Variants in PCED1B observed in about 807,000 individuals in gnomAD.
PCED1B encodes the protein PC-esterase domain containing 1B.
For synonymous variants in PCED1B, 251 were observed against 246.1 expected (o/e 1.02, Z -0.19); for missense variants, 573 against 573.9 (o/e 1.00, Z 0.02).
intron 2 of PCED1B, among the ~76,000 whole-genome samples, chr12:47,194,238 G>A (rs536140854): frequency 1.6e-4 from 25 of 152,254 alleles, no homozygotes; most frequent in African/African-American, 6.0e-4. Context: ...GCAGTGGCAC[G>A]ATCTCAGCTC....
intron 2 of PCED1B, among the ~76,000 whole-genome samples, chr12:47,213,254 C>T (rs1943148959): frequency 6.6e-6 from 1 of 152,106 alleles, no homozygotes; most frequent in African/African-American, 2.4e-5. Flanking sequence ...AGATTTCGTA[C>T]CCTAATAGAA....
At chr12:47,219,501 C>T (rs832723) in intron 3 of PCED1B, among the ~76,000 whole-genome samples, 21,864 of 152,186 alleles carry the variant, frequency 0.14, 3,389 homozygotes, top group African/African-American at 0.39. Flanking sequence ...GCTCTCCAAT[C>T]GCCCTTGTTT....
At chr12:47,162,743 T>G (rs1388244009) in intron 2 of PCED1B, among the ~76,000 whole-genome samples, 1 of 152,210 alleles carries the variant, frequency 6.6e-6, no homozygotes, top group Non-Finnish European at 1.5e-5. Context: ...ACTGCAAGGA[T>G]GGCACCAAGC....
intron 2 of PCED1B, among the ~76,000 whole-genome samples, chr12:47,177,358 T>C (rs920611800): frequency 6.6e-6 from 1 of 152,138 alleles, no homozygotes; most frequent in Non-Finnish European, 1.5e-5. Flanking sequence ...TGGAGAGAAA[T>C]ATCTCCTCAT....
intron 2 of PCED1B, among the ~76,000 whole-genome samples, chr12:47,131,400 C>T (rs75377917): frequency 0.083 from 12,594 of 152,162 alleles, 863 homozygotes; most frequent in African/African-American, 0.19. Flanking sequence ...TTATTCAATT[C>T]GTTCTATTTT....
intron 2 of PCED1B, among the ~76,000 whole-genome samples, chr12:47,182,528 T>C (rs1942126509): frequency 6.6e-6 from 1 of 151,364 alleles, no homozygotes; most frequent in African/African-American, 2.4e-5. Context: ...GAGGTGGAGA[T>C]TGCAGTGAGC....
chr12:47,180,950 G>A (rs1942074139), intron 2 of PCED1B, among the ~76,000 whole-genome samples: 2 of 151,742 alleles, frequency 1.3e-5, no homozygotes, highest in Admixed American at 6.6e-5. Flanking sequence ...GTTCCAGGGA[G>A]TTAGGTTCTG....
At chr12:47,122,723 A>G (rs1190638235) in intron 2 of PCED1B, among the ~76,000 whole-genome samples, 2 of 152,222 alleles carry the variant, frequency 1.3e-5, no homozygotes, top group Non-Finnish European at 2.9e-5. Context: ...GAAGATGGAT[A>G]CAAACCTTGG....
intron 3 of PCED1B, among the ~76,000 whole-genome samples, chr12:47,219,662 GAACT>G (rs1230757123): frequency 6.6e-6 from 1 of 152,148 alleles, no homozygotes; most frequent in Non-Finnish European, 1.5e-5. Context: ...GATGAAAATC[GAACT>G]AAGTTATTTC....
rs190434630 is a variant in PCED1B at position 47,192,466 on chromosome 12, G to A, written c.-525-23756G>A. Among the ~76,000 whole-genome samples the A allele has an allele frequency of 3.0e-3, 463 of 152,200 alleles. 1 individual carries two copies. Among genetic ancestry groups the A allele is most frequent in the Admixed American group, 5.0e-3 (77 of 15,298 alleles). On this transcript the variant is annotated intron_variant, in intron 2 of 3. Coordinates refer to ENST00000546455, the MANE Select transcript of PCED1B (RefSeq NM_138371.3). ...CTTTTGGATATGAGCTCATTCAAAT[G>A]GTAAATGATTTCATTCAAAACTTTC...
intron 2 of PCED1B, among the ~76,000 whole-genome samples, chr12:47,166,140 C>G (rs1941538379): frequency 6.6e-6 from 1 of 152,194 alleles, no homozygotes; most frequent in African/African-American, 2.4e-5. Flanking sequence ...TTCTAGCCAA[C>G]ATCTGAAGAC....
chr12:47,224,884 C>T (rs376104390), intron 3 of PCED1B, among the ~76,000 whole-genome samples: 1 of 152,102 alleles, frequency 6.6e-6, no homozygotes, highest in East Asian at 1.9e-4. Context: ...GTAGGTGATT[C>T]GAATCAGTTA....
chr12:47,118,150 C>T (rs1371546942), intron 2 of PCED1B, among the ~76,000 whole-genome samples: 3 of 152,200 alleles, frequency 2.0e-5, no homozygotes, highest in South Asian at 2.1e-4. Flanking sequence ...TGCCTGTTCA[C>T]TCTGATGGTA....
chr12:47,112,561 CTTTG>C (rs1354379894), intron 2 of PCED1B, among the ~76,000 whole-genome samples: 2 of 152,172 alleles, frequency 1.3e-5, no homozygotes, highest in African/African-American at 4.8e-5. Flanking sequence ...TTAGCTGAAG[CTTTG>C]TTTGTGATTT....
At chr12:47,159,329 T>C (rs1941296047) in intron 2 of PCED1B, among the ~76,000 whole-genome samples, 1 of 152,312 alleles carries the variant, frequency 6.6e-6, no homozygotes, top group Middle Eastern at 3.4e-3. Flanking sequence ...CCCTACTGTT[T>C]TCCGTAATGG....
In PCED1B at chr12:47,085,264, T is replaced by C. The variant is rs529396398; in HGVS notation, c.-609+5539T>C. 7.6e-4 allele frequency among the ~76,000 whole-genome samples: 116 copies of C among 152,230 alleles called. 1 individual carries two copies. The highest frequency in any genetic ancestry group is 9.7e-4 in the Non-Finnish European group (66 of 68,036). ...TCAAAAAATTCACTTGATTTTCTGA[T>C]AACAATGTGTCCTCTGTTGCCCAAG... On this transcript the variant is annotated intron_variant, in intron 1 of 3. Coordinates refer to ENST00000546455, the MANE Select transcript of PCED1B (RefSeq NM_138371.3).
chr12:47,209,686 T>C (rs1458363094), intron 2 of PCED1B: 1 of 152,208 alleles, frequency 6.6e-6, no homozygotes, highest in Middle Eastern at 3.2e-3. Flanking sequence ...CCTTATCAAT[T>C]TGGGATCTTC....
chr12:47,235,975 G>A lies in PCED1B; in HGVS notation c.912G>A (p.Gly304=). ...CCCCCACATACCGCCCCCTGCTTGG[G>A]TTCCCACCCCAGCGCTTGCCGCTGC... is the stretch of plus-strand genomic sequence containing the variant. ...LPSPTYRPLL[G]FPPQRLPLLP... The change falls in exon 4 of 4, where the codon GGG becomes GGA. Residue 304 remains glycine (G), a synonymous_variant. Coordinates refer to ENST00000546455, the MANE Select transcript of PCED1B (RefSeq NM_138371.3). 1 of 1,612,206 alleles carries A rather than the reference G, an allele frequency of 6.2e-7. No individual in the cohort carries two copies. The highest frequency in any genetic ancestry group is 8.5e-7 in the Non-Finnish European group (1 of 1,179,186).
At chr12:47,177,395 T>G (rs1941956670) in intron 2 of PCED1B, among the ~76,000 whole-genome samples, 1 of 152,230 alleles carries the variant, frequency 6.6e-6, no homozygotes, top group Non-Finnish European at 1.5e-5. Context: ...GCTGACTGAC[T>G]GCTAATGGGG....
Sources: gnomAD v4.1 joint callset for allele counts (sites outside exome capture counted in the v4.1 genomes callset) on GRCh38, gnomAD v4.1.1 for gene constraint, MANE v1.5 for transcripts, NCBI Gene and HGNC (gene_info 2026-07-23, HGNC 2026-07-21) for gene names.